Variants in SRCAP observed in about 807,000 individuals in gnomAD.
The protein encoded by SRCAP is Snf2 related CREBBP activator protein.
A neutral mutation model predicts 263.1 loss-of-function variants in SRCAP; 46 were observed. That is an observed-to-expected ratio of 0.17 (90% CI 0.14 to 0.22). The LOEUF (loss-of-function observed/expected upper bound fraction) is 0.22, where lower values mean the gene tolerates loss of function less well. SRCAP is among the 10% of genes least tolerant of loss of function. The probability of loss-of-function intolerance (pLI) is 1.00; values close to 1 mark genes in which losing one functional copy is unlikely to be tolerated. For synonymous variants in SRCAP, 1,813 were observed against 1,662.1 expected (o/e 1.09, Z -2.21); for missense variants, 3,695 against 4,181.9 (o/e 0.88, Z 3.21).
chr16:30,721,348 C>T lies in SRCAP; in HGVS notation c.3413C>T (p.Thr1138Ile). 1 of 1,614,178 alleles carries T rather than the reference C, an allele frequency of 6.2e-7. No individual in the cohort carries two copies. Among genetic ancestry groups the T allele is most frequent in the Admixed American group, 1.7e-5 (1 of 60,028 alleles). The change falls in exon 21 of 34, where the codon ACC (threonine) becomes ATC (isoleucine). Residue 1138 changes from threonine (T) to isoleucine (I), a missense_variant. This residue lies in a region of SRCAP where 1,347 missense variants were observed against 1,304.4 expected (regional missense o/e 1.03). Transcript: ENST00000262518. ...LKPLTVPPGYTFPPAAATTTS... is the reference protein window; with the variant it reads ...LKPLTVPPGYIFPPAAATTTS... ...CCCCTGACAGTGCCACCAGGCTACA[C>T]CTTCCCTCCTGCTGCTGCCACCACC...
At position 30,739,258 on chromosome 16, in the gene SRCAP, C is replaced by T; in HGVS notation, c.9218C>T (p.Ala3073Val). ...CGCCTGGCCCGCCTTCGGCTTGAAGCAGAAGGAATGCGAGGACGGAAGAGT... is the reference window on the plus strand; with the variant it reads ...CGCCTGGCCCGCCTTCGGCTTGAAGTAGAAGGAATGCGAGGACGGAAGAGT... ...LTRLARLRLE[A>V]EGMRGRKSGG... The change falls in exon 34 of 34, where the codon GCA becomes GTA. Residue 3073 changes from alanine (A) to valine (V), a missense_variant. Physicochemically the swap from Ala to Val is moderately conservative, Grantham distance 64 (BLOSUM62 0). Coordinates refer to ENST00000262518, the MANE Select transcript of SRCAP (RefSeq NM_006662.3). 1 of 1,613,890 alleles carries T rather than the reference C, an allele frequency of 6.2e-7. No individual in the cohort carries two copies. The highest frequency in any genetic ancestry group is 8.5e-7 in the Non-Finnish European group (1 of 1,180,026).
In SRCAP at chr16:30,723,142, C is replaced by G. The variant is rs1297455262; in HGVS notation, c.4072C>G (p.Leu1358Val). The change falls in exon 24 of 34, where the codon CTG becomes GTG. Residue 1358 changes from leucine to valine, a missense_variant. Coordinates refer to ENST00000262518, the MANE Select transcript of SRCAP (RefSeq NM_006662.3). ...LTPGRLPTPT[L>V]GTARAPMPTP... ...CCCTGGCCGGCTACCCACACCTACTCTGGGTACTGCTCGAGCCCCCATGCC... is the reference window on the plus strand; with the variant it reads ...CCCTGGCCGGCTACCCACACCTACTGTGGGTACTGCTCGAGCCCCCATGCC... The G allele has an allele frequency of 1.2e-6, 2 of 1,614,142 alleles. No individual in the cohort carries two copies. The highest frequency in any genetic ancestry group is 2.2e-5 in the East Asian group (1 of 44,862).
chr16:30,710,144 G>GC lies in SRCAP; in HGVS notation c.1134+17dup. On this transcript the variant is annotated intron_variant, in intron 8 of 33. Transcript: ENST00000262518. ...GGTGTTGGAGGTATAGGCAGAAGGA[G>GC]CAGAGGGAGGGTTCAGAGGGGGAAC... 4 of 1,608,674 alleles carry GC rather than the reference G, an allele frequency of 2.5e-6. No homozygotes were observed. The highest frequency in any genetic ancestry group is 3.4e-6 in the Non-Finnish European group (4 of 1,176,344).
chr16:30,736,110 G>A (rs1246459442), intron 31 of SRCAP, 90 bp from the exon 32 acceptor site: 29 of 1,517,178 alleles, frequency 1.9e-5, no homozygotes, highest in Admixed American at 7.3e-5. Context: ...TTTGGTGTAC[G>A]CTTGGTCTCA....
intron 27 of SRCAP, among the ~76,000 whole-genome samples, chr16:30,732,296 A>T (rs1351214930): frequency 6.6e-6 from 1 of 152,070 alleles, no homozygotes; most frequent in Admixed American, 6.5e-5. Context: ...TACTAAAAAT[A>T]CAAAATTATC....
intron 18 of SRCAP, among the ~76,000 whole-genome samples, chr16:30,718,046 A>T (rs939420121): frequency 2.7e-5 from 4 of 149,210 alleles, no homozygotes; most frequent in East Asian, 4.0e-4. Context: ...TTTTATTTTA[A>T]TTTTTTTGTA....
intron 31 of SRCAP, 133 bp downstream of exon 31, chr16:30,734,748 A>G (rs2151298827): frequency 3.7e-6 from 5 of 1,352,288 alleles, no homozygotes; most frequent in Middle Eastern, 2.4e-4. Context: ...AGCCTTTGAT[A>G]GTTGTAAGCA....
At chr16:30,703,932 G>T in intron 3 of SRCAP, 132 bp from the exon 4 acceptor site, 2 of 1,101,472 alleles carry the variant, frequency 1.8e-6, no homozygotes, top group Non-Finnish European at 2.5e-6. Flanking sequence ...CCGAACGTTT[G>T]TGTTTATGAA....
At chr16:30,734,721 C>G in intron 31 of SRCAP, 106 bp downstream of exon 31, 1 of 1,514,386 alleles carries the variant, frequency 6.6e-7, no homozygotes, top group Non-Finnish European at 9.0e-7. Flanking sequence ...GTTTCTTCTG[C>G]TTCCCAGATT....
rs989430409 is a variant in SRCAP at position 30,709,684 on chromosome 16, T to C, written c.805T>C (p.Ser269Pro). Residue 269 changes from serine to proline, a missense_variant, in exon 7 of 34, where the codon TCC (serine) becomes CCC (proline). This residue lies in a region of SRCAP where 44 missense variants were observed against 42.9 expected (regional missense o/e 1.03). Coordinates refer to ENST00000262518, the MANE Select transcript of SRCAP (RefSeq NM_006662.3). ...AGGCTCTTCCCCTTGCCTCGGCTCT[T>C]CCTCAGCTGCCTCCAGTCCTCCACC... ...KAGSSPCLGS[S>P]SAASSPPPPA... 6.2e-7 allele frequency: 1 copy of C among 1,614,052 alleles called. No homozygotes were observed. Among genetic ancestry groups the C allele is most frequent in the African/African-American group, 1.3e-5 (1 of 74,912 alleles).
chr16:30,733,890 C>G lies in SRCAP; in HGVS notation c.6495-4C>G. The stretch of plus-strand genomic sequence containing the variant: ...GCTTACACACGGCCTTCATCACCCC[C>G]TAGGCTTATCAGTGAACGGACAGTG... On this transcript the variant is annotated splice_polypyrimidine_tract_variant and splice_region_variant and intron_variant, in intron 29 of 33. Transcript: ENST00000262518. This position sits in a 1 kb window ranked among gnomAD's most constrained non-coding sequence, Gnocchi z 5.3. 6.2e-7 allele frequency: 1 copy of G among 1,613,934 alleles called. No homozygotes were observed. The highest frequency in any genetic ancestry group is 8.5e-7 in the Non-Finnish European group (1 of 1,179,932).
At position 30,723,136 on chromosome 16, in the gene SRCAP, C is replaced by T. The variant is rs1164480704; in HGVS notation, c.4066C>T (p.Pro1356Ser). The change falls in exon 24 of 34, where the codon CCT becomes TCT. Residue 1356 changes from proline (P) to serine (S), a missense_variant. Pro to Ser is a moderately conservative substitution (Grantham distance 74). Transcript: ENST00000262518. ...PTLTPGRLPTPTLGTARAPMP... is the reference protein window; with the variant it reads ...PTLTPGRLPTSTLGTARAPMP... ...GTTAACCCCTGGCCGGCTACCCACA[C>T]CTACTCTGGGTACTGCTCGAGCCCC... 6.2e-7 allele frequency: 1 copy of T among 1,614,002 alleles called. No homozygotes were observed. Among genetic ancestry groups the T allele is most frequent in the African/African-American group, 1.3e-5 (1 of 74,902 alleles).
In SRCAP at chr16:30,724,097, CT is replaced by C; in HGVS notation, c.4677del (p.Pro1560ArgfsTer24). ...VLVPASALASPFPSAPNPAPA... is the reference protein window; with the variant it reads ...VLVPASALASXFPSAPNPAPA... ...GTGCCAGCTTCGGCTCTGGCCAGTC[CT>C]TTTCCGTCAGCACCAAATCCAGCTC... On this transcript the variant is annotated frameshift_variant, in exon 25 of 34. Coordinates refer to ENST00000262518, the MANE Select transcript of SRCAP (RefSeq NM_006662.3). LOFTEE classifies it high-confidence loss of function. 6.2e-7 allele frequency: 1 copy of C among 1,613,734 alleles called. No individual in the cohort carries two copies.
At chr16:30,703,994 A>G in intron 3 of SRCAP, 70 bp from the exon 4 acceptor site, 1 of 1,509,488 alleles carries the variant, frequency 6.6e-7, no homozygotes, top group East Asian at 2.3e-5. Context: ...AGATCGGATG[A>G]AATAATGTAT....
chr16:30,706,941 A>G (rs909656248), intron 4 of SRCAP, among the ~76,000 whole-genome samples: 7 of 152,072 alleles, frequency 4.6e-5, no homozygotes, highest in Non-Finnish European at 7.4e-5. Flanking sequence ...CACATTTTCT[A>G]TTACTTTCTA....
At chr16:30,703,149 CTATATA>C (rs368190667) in intron 3 of SRCAP, among the ~76,000 whole-genome samples, 120 of 143,410 alleles carry the variant, frequency 8.4e-4, no homozygotes, top group African/African-American at 3.0e-3. Flanking sequence ...AAATCATATG[CTATATA>C]TATATATATA....
In SRCAP at chr16:30,704,221, T is replaced by TGGAG; in HGVS notation, c.215_218dup (p.Phe74GlyfsTer9). The TGGAG allele has an allele frequency of 6.2e-7, 1 of 1,614,166 alleles. No individual in the cohort carries two copies. On this transcript the variant is annotated frameshift_variant, in exon 4 of 34. Coordinates refer to ENST00000262518, the MANE Select transcript of SRCAP (RefSeq NM_006662.3). LOFTEE classifies it high-confidence loss of function. ...CCCCCAGATGGTGCCACAGTGCCCC[T>TGGAG]GGAGGGGTTCAGCTTATCCCAGGCT...
rs532052555 is a variant in SRCAP, at chr16:30,722,141, C to T, written c.3561C>T (p.Ile1187=). ...ARLPSGEVVS[I]GQLASLAQRP... is the part of the protein sequence containing the mutation. ...TTTTAGCAGGCGAAGTGGTCAGCAT[C>T]GGGCAGTTAGCCTCACTGGCACAAC... Residue 1187 remains isoleucine, a synonymous_variant, in exon 22 of 34, where the codon ATC becomes ATT. Transcript: ENST00000262518. The T allele has an allele frequency of 1.1e-5, 17 of 1,613,934 alleles. No homozygotes were observed. Among genetic ancestry groups the T allele is most frequent in the Admixed American group, 1.7e-5 (1 of 60,002 alleles).
rs768705762 is a variant in SRCAP, at chr16:30,723,828, G to T, written c.4404G>T (p.Ser1468=). The change falls in exon 25 of 34, where the codon TCG becomes TCT. Residue 1468 remains serine, a synonymous_variant. Coordinates refer to ENST00000262518, the MANE Select transcript of SRCAP (RefSeq NM_006662.3). The part of the protein sequence containing the change: ...PISAPLTVSA[S]GPALLTSVTP... ...CAGCCCCCTTGACTGTTTCTGCTTC[G>T]GGCCCAGCTCTGTTGACCAGTGTGA... The T allele has an allele frequency of 9.3e-6, 15 of 1,613,604 alleles. No homozygotes were observed. Among genetic ancestry groups the T allele is most frequent in the Admixed American group, 6.7e-5 (4 of 59,946 alleles).
Sources: allele counts gnomAD v4.1 joint callset (sites outside exome capture counted in the v4.1 genomes callset), GRCh38; gene constraint gnomAD v4.1.1; regional missense constraint gnomAD v4.1.1; non-coding constraint Gnocchi (gnomAD v3.1); transcripts MANE v1.5; gene names NCBI Gene and HGNC (gene_info 2026-07-23, HGNC 2026-07-21).